Variants in RREB1 observed in about 807,000 individuals in gnomAD.
The protein encoded by RREB1 is ras-responsive element-binding protein 1.
In RREB1, 27 loss-of-function variants were observed where a neutral mutation model predicts 117.8. The observed-to-expected ratio is 0.23, with a 90% CI of 0.17 to 0.32. The LOEUF is 0.32. Ranked by LOEUF, RREB1 falls within the 10% of genes least tolerant of loss-of-function variation. The pLI is 1.00. For missense variants in RREB1, 2,577 were observed against 2,378.2 expected, an observed-to-expected ratio of 1.08 and a Z score of -1.74; for synonymous variants, 1,298 against 1,026.7, an observed-to-expected ratio of 1.26 and a Z score of -5.05.
At chr6:7,123,226 C>T (rs552997081) in intron 1 of RREB1, among the ~76,000 whole-genome samples, 23 of 151,952 alleles carry the variant, frequency 1.5e-4, no homozygotes, top group African/African-American at 4.8e-4. Flanking sequence ...GGTGCAATCT[C>T]GTCTCACTGC....
chr6:7,213,987 C>G (rs969153521), intron 8 of RREB1: 12 of 152,320 alleles, frequency 7.9e-5, no homozygotes, highest in Non-Finnish European at 1.2e-4. Context: ...AGAGGCAGAT[C>G]AGGTGTCTCC....
intron 6 of RREB1, among the ~76,000 whole-genome samples, chr6:7,195,722 G>T (rs1343588746): frequency 3.3e-5 from 5 of 152,182 alleles, no homozygotes; most frequent in Admixed American, 1.3e-4. Flanking sequence ...CCCTCATGGG[G>T]TCTCCAGAGC....
intron 6 of RREB1, among the ~76,000 whole-genome samples, chr6:7,205,486 A>C (rs775365447): frequency 2.0e-5 from 3 of 152,198 alleles, no homozygotes; most frequent in Non-Finnish European, 2.9e-5. Flanking sequence ...CAAAAGCTTC[A>C]TTGCATCACA....
rs1765141648 is a variant in RREB1 at position 7,187,452 on chromosome 6, T to G, written c.190T>G (p.Ser64Ala). 1 of 1,603,734 alleles carries G rather than the reference T, an allele frequency of 6.2e-7. No homozygotes were observed. The highest frequency in any genetic ancestry group is 8.5e-7 in the Non-Finnish European group (1 of 1,172,586). ...RRNQETKEEK[S>A]SYNCPLCEKI... The stretch of plus-strand genomic sequence containing the variant: ...TTTTTAGGAAACGAAAGAGGAGAAG[T>G]CTTCCTATAACTGCCCCCTGTGTGA... Residue 64 changes from serine to alanine, a missense_variant, in exon 5 of 13, where the codon TCT becomes GCT. Ser to Ala is a moderately conservative substitution (Grantham distance 99). Transcript: ENST00000379938.
In RREB1 at chr6:7,246,864, C is replaced by T. The variant is rs114122385; in HGVS notation, c.4414C>T (p.Arg1472Cys). The change falls in exon 12 of 13, where the codon CGC becomes TGC. Residue 1472 changes from arginine (R) to cysteine (C), a missense_variant. Physicochemically the swap from Arg to Cys is radical, Grantham distance 180. Transcript: ENST00000379938. ...TLSRHRKAHG[R>C]QEPKDEKGDG... ...GAGCCGCCACCGGAAGGCGCACGGCCGCCAGGAGCCCAAGGACGAGAAGGG... is the reference window on the plus strand; with the variant it reads ...GAGCCGCCACCGGAAGGCGCACGGCTGCCAGGAGCCCAAGGACGAGAAGGG... 13 of 1,552,720 alleles carry T rather than the reference C, an allele frequency of 8.4e-6. No individual in the cohort carries two copies. Among genetic ancestry groups the T allele is most frequent in the Middle Eastern group, 3.4e-4 (2 of 5,950 alleles).
chr6:7,227,353 C>A (rs902462506), intron 9 of RREB1, among the ~76,000 whole-genome samples: 6 of 151,824 alleles, frequency 4.0e-5, no homozygotes, highest in African/African-American at 1.5e-4. Flanking sequence ...CCAGCCTGAC[C>A]AACATGGTGA....
chr6:7,233,978 G>A (rs1768154696), intron 10 of RREB1, among the ~76,000 whole-genome samples: 3 of 152,196 alleles, frequency 2.0e-5, no homozygotes, highest in Non-Finnish European at 2.9e-5. Flanking sequence ...CACAGACACG[G>A]CATTTCCTTC....
chr6:7,147,752 A>G (rs1762937818), intron 1 of RREB1, among the ~76,000 whole-genome samples: 1 of 152,128 alleles, frequency 6.6e-6, no homozygotes, highest in Admixed American at 6.5e-5. Context: ...TCTTCATTGT[A>G]TCTTTCTTAT....
At chr6:7,232,044 C>A (rs1768020176) in intron 10 of RREB1, 137 bp downstream of exon 10, 2 of 899,774 alleles carry the variant, frequency 2.2e-6, no homozygotes. Context: ...TCTCCGAAGC[C>A]CCGAGCTTGT....
In RREB1 at chr6:7,248,511, G is replaced by A; in HGVS notation, c.4772G>A (p.Gly1591Glu). 1 of 1,613,772 alleles carries A rather than the reference G, an allele frequency of 6.2e-7. No homozygotes were observed. The highest frequency in any genetic ancestry group is 8.5e-7 in the Non-Finnish European group (1 of 1,179,682). ...GAAATTCTTTCTTCCATTGTTCCAGGGGAAAGGCCATACAAATGTCAGACC... is the reference window on the plus strand; with the variant it reads ...GAAATTCTTTCTTCCATTGTTCCAGAGGAAAGGCCATACAAATGTCAGACC... Reference protein sequence around the residue: ...DLTRHMRSHTGERPYKCQTCE... With the variant: ...DLTRHMRSHTEERPYKCQTCE... Residue 1591 changes from glycine to glutamate, a missense_variant and splice_region_variant, in exon 13 of 13, where the codon GGG (glycine) becomes GAG (glutamate). Gly to Glu is a moderately conservative substitution (Grantham distance 98, BLOSUM62 -2). Transcript: ENST00000379938.
chr6:7,248,817 C>T lies in RREB1; in HGVS notation c.5078C>T (p.Ala1693Val). The change falls in exon 13 of 13, where the codon GCA becomes GTA. Residue 1693 changes from alanine (A) to valine (V), a missense_variant. Ala to Val is a moderately conservative substitution (Grantham distance 64). Transcript: ENST00000379938. ...AGCCACAGGGAGGAGAAGGTCACGG[C>T]AGGGTGGCCGTCTGAGCCTGGCCAG... Reference protein sequence around the residue: ...DCSHREEKVTAGWPSEPGQGD... With the variant: ...DCSHREEKVTVGWPSEPGQGD... 6.2e-7 allele frequency: 1 copy of T among 1,613,462 alleles called. No homozygotes were observed. Among genetic ancestry groups the T allele is most frequent in the Non-Finnish European group, 8.5e-7 (1 of 1,179,768 alleles).
intron 1 of RREB1, among the ~76,000 whole-genome samples, chr6:7,161,096 G>A (rs1362854191): frequency 1.3e-5 from 2 of 152,136 alleles, no homozygotes; most frequent in African/African-American, 2.4e-5. Flanking sequence ...CTTGCAAAGT[G>A]CTGGGATTAC....
At position 7,249,741 on chromosome 6, in the gene RREB1, A is replaced by G. The variant is rs1031104823; in HGVS notation, c.*773A>G. 6.6e-6 allele frequency: 1 copy of G among 152,102 alleles called. No individual in the cohort carries two copies. Among genetic ancestry groups the G allele is most frequent in the Non-Finnish European group, 1.5e-5 (1 of 68,018 alleles). 9.4% of individuals were successfully genotyped at this position (152,102 alleles called of 1,614,324 possible). The stretch of plus-strand genomic sequence containing the variant: ...CCTGGCGTCTTAACCTATGGAAAAC[A>G]TGCACGGATAGGATATATTTGATTG... On this transcript the variant is annotated 3_prime_UTR_variant, in exon 13 of 13. Coordinates refer to ENST00000379938, the MANE Select transcript of RREB1 (RefSeq NM_001003699.4).
intron 5 of RREB1, among the ~76,000 whole-genome samples, chr6:7,188,252 T>TGTGTGTGTGTGTGTGTGTGTGC (rs1411771705): frequency 3.4e-5 from 5 of 147,668 alleles, no homozygotes; most frequent in African/African-American, 1.0e-4. Context: ...TGTGTGTGTG[T>TGTGTGTGTGTGTGTGTGTGTGC]GCGCGCGCGC....
At chr6:7,166,362 A>G (rs1033191023) in intron 1 of RREB1, among the ~76,000 whole-genome samples, 16 of 152,266 alleles carry the variant, frequency 1.1e-4, no homozygotes, top group Non-Finnish European at 2.1e-4. Flanking sequence ...AGCTTGTGAT[A>G]AACACTTATC....
At chr6:7,214,906 C>T (rs1411156079) in intron 8 of RREB1, 1 of 152,246 alleles carries the variant, frequency 6.6e-6, no homozygotes, top group African/African-American at 2.4e-5. Context: ...TTTCCCTCCA[C>T]TCCACTGTGT....
At chr6:7,244,289 A>G (rs781059824) in intron 11 of RREB1, among the ~76,000 whole-genome samples, 2 of 151,864 alleles carry the variant, frequency 1.3e-5, no homozygotes, top group Non-Finnish European at 2.9e-5. Context: ...ATTACTTACA[A>G]AGGCCAGCCA....
chr6:7,162,140 A>G (rs1763699497), intron 1 of RREB1, among the ~76,000 whole-genome samples: 1 of 152,026 alleles, frequency 6.6e-6, no homozygotes, highest in South Asian at 2.1e-4. Flanking sequence ...TTTTGTTTTC[A>G]TGGACAAGAC....
rs528118636 is a variant in RREB1, at chr6:7,228,735, T to C, written c.898-262T>C. Among the ~76,000 whole-genome samples the C allele has an allele frequency of 3.9e-5, 6 of 152,100 alleles. No homozygotes were observed. The South Asian group carries it at 1.0e-3, about 26-fold the overall frequency. ...GTTGCCCAGGCTAGTCACAAACTCC[T>C]GGCCTCAAGTGATCCTCCCGCCTCA... On this transcript the variant is annotated intron_variant, in intron 9 of 12. Coordinates refer to ENST00000379938, the MANE Select transcript of RREB1 (RefSeq NM_001003699.4).
Sources: allele counts gnomAD v4.1 joint callset (sites outside exome capture counted in the v4.1 genomes callset), GRCh38; gene constraint gnomAD v4.1.1; transcripts MANE v1.5; gene names NCBI Gene and HGNC (gene_info 2026-07-23, HGNC 2026-07-21).